Variants in LRTM3 observed in about 807,000 individuals in gnomAD.
LRTM3 encodes leucine-rich repeat transmembrane protein 3.
chr13:102,756,460 G>A, the LRTM3 span, among the ~76,000 whole-genome samples: 1 of 151,520 alleles, frequency 6.6e-6, no homozygotes, highest in African/African-American at 2.4e-5. Flanking sequence ...ATCACCTGAG[G>A]TCAGGGGTTC....
At chr13:102,731,235 C>A in the LRTM3 span, 3 of 1,551,294 alleles carry the variant, frequency 1.9e-6, no homozygotes, top group Admixed American at 5.9e-5. Flanking sequence ...AGAGGTGAAT[C>A]CTTTTGGTGT....
the LRTM3 span, chr13:102,743,251 T>C: frequency 1.3e-6 from 2 of 1,550,736 alleles, no homozygotes; most frequent in Non-Finnish European, 1.7e-6. Context: ...TCCCTTCAGC[T>C]AGTGACTCTA....
chr13:102,750,412 C>G, the LRTM3 span: 1 of 1,263,046 alleles, frequency 7.9e-7, no homozygotes, highest in Non-Finnish European at 1.1e-6. Flanking sequence ...AAACAGTGTA[C>G]AAATGAATAT....
At chr13:102,732,788 A>C in the LRTM3 span, 2 of 1,551,138 alleles carry the variant, frequency 1.3e-6, no homozygotes, top group African/African-American at 2.7e-5. Context: ...GTTTGTGCCT[A>C]TTTTTAATTT....
At chr13:102,737,744 A>T in the LRTM3 span, 1 of 1,550,292 alleles carries the variant, frequency 6.5e-7, no homozygotes, top group East Asian at 2.5e-5. Flanking sequence ...CTCACTGGGC[A>T]CCCCATTTGC....
At chr13:102,732,727 A>G in the LRTM3 span, 1 of 1,551,268 alleles carries the variant, frequency 6.4e-7, no homozygotes, top group Non-Finnish European at 8.7e-7. Flanking sequence ...CCAGATTGGC[A>G]GTCCTGGCCT....
the LRTM3 span, chr13:102,749,498 C>A: frequency 6.4e-7 from 1 of 1,551,364 alleles, no homozygotes; most frequent in South Asian, 1.2e-5. Context: ...ATCTATAAAC[C>A]AAACACAATG....
At chr13:102,738,902 T>A in the LRTM3 span, 1 of 1,550,764 alleles carries the variant, frequency 6.4e-7, no homozygotes. Context: ...TCTTTTGGAA[T>A]GCATGATTTT....
At chr13:102,731,526 T>C in the LRTM3 span, 3 of 1,551,340 alleles carry the variant, frequency 1.9e-6, no homozygotes, top group East Asian at 2.4e-5. Flanking sequence ...GCTGTTGATA[T>C]TGTATCTGGA....
chr13:102,740,133 C>T, the LRTM3 span: 10 of 1,547,830 alleles, frequency 6.5e-6, no homozygotes, highest in African/African-American at 6.9e-5. Context: ...TTTTGTGTTT[C>T]TATCTTCTTC....
the LRTM3 span, chr13:102,749,886 A>G: frequency 1.3e-6 from 2 of 1,551,448 alleles, no homozygotes; most frequent in Non-Finnish European, 8.7e-7. Flanking sequence ...GAGCATTGAT[A>G]AGTAGTTCTG....
At chr13:102,756,673 T>TAAAAAAAAAAAAAAAAAAAAAAAAAAAA in the LRTM3 span, among the ~76,000 whole-genome samples, 1 of 67,024 alleles carries the variant, frequency 1.5e-5, no homozygotes, top group African/African-American at 5.5e-5. Flanking sequence ...AAACTCTGTC[T>TAAAAAAAAAAAAAAAAAAAAAAAAAAAA]AAAAAAAAAA....
At chr13:102,743,984 G>T in the LRTM3 span, 1 of 1,550,230 alleles carries the variant, frequency 6.5e-7, no homozygotes. Flanking sequence ...TTGTCGGCGT[G>T]TTCTGTTAGA....
the LRTM3 span, chr13:102,740,961 C>T: frequency 6.5e-7 from 1 of 1,550,046 alleles, no homozygotes; most frequent in Non-Finnish European, 8.7e-7. Context: ...AAATGTATTC[C>T]TTCTGAACAT....
chr13:102,740,571 T>G, the LRTM3 span: 1 of 1,549,154 alleles, frequency 6.5e-7, no homozygotes, highest in Non-Finnish European at 8.7e-7. Flanking sequence ...CTGTTTTGAG[T>G]ATATCCAACT....
At chr13:102,747,520 A>G in the LRTM3 span, 1 of 1,550,898 alleles carries the variant, frequency 6.4e-7, no homozygotes, top group Non-Finnish European at 8.7e-7. Context: ...GCAAGTGGTT[A>G]TTGAAAGACC....
At chr13:102,755,435 T>G in the LRTM3 span, among the ~76,000 whole-genome samples, 1 of 152,074 alleles carries the variant, frequency 6.6e-6, no homozygotes, top group Non-Finnish European at 1.5e-5. Flanking sequence ...ATAAAAAAAA[T>G]GTGGTACATA....
At chr13:102,748,749 T>C in the LRTM3 span, 1 of 1,550,092 alleles carries the variant, frequency 6.5e-7, no homozygotes, top group Non-Finnish European at 8.7e-7. Context: ...TCTTTACTCT[T>C]CCCATTTGTT....
At chr13:102,731,535 G>A in the LRTM3 span, 7 of 1,551,248 alleles carry the variant, frequency 4.5e-6, no homozygotes, top group Non-Finnish European at 6.1e-6. Context: ...ATTGTATCTG[G>A]ACCCTCTGGA....
Sources: allele counts gnomAD v4.1 joint callset (sites outside exome capture counted in the v4.1 genomes callset), GRCh38; gene constraint gnomAD v4.1.1; transcripts MANE v1.5; gene names NCBI Gene and HGNC (gene_info 2026-07-23, HGNC 2026-07-21).